DCDC2C: variants seen among roughly 807,000 people sequenced by gnomAD.
DCDC2C encodes doublecortin domain-containing protein 2C.
Under a neutral mutation model 45.0 loss-of-function variants are expected in DCDC2C, and 44 were observed. That is an observed-to-expected ratio of 0.98 (90% CI 0.77 to 1.26). The LOEUF is 1.26. Among genes scored for constraint, DCDC2C ranks in the 50% most tolerant of loss-of-function variants. The pLI, the probability that DCDC2C is intolerant of heterozygous loss-of-function variation, is 0.00. For synonymous variants in DCDC2C, 187 were observed against 178.8 expected, an observed-to-expected ratio of 1.05 and a Z score of -0.37; for missense variants, 447 against 468.9, an observed-to-expected ratio of 0.95 and a Z score of 0.43.
intron 9 of DCDC2C, among the ~76,000 whole-genome samples, chr2:3,779,265 C>T (rs150818947): frequency 1.3e-5 from 2 of 152,158 alleles, no homozygotes; most frequent in Non-Finnish European, 2.9e-5. Flanking sequence ...TGCTGACTGG[C>T]GTAGTTTGTG....
At chr2:3,730,831 G>T (rs965857143) in intron 3 of DCDC2C, among the ~76,000 whole-genome samples, 3 of 152,302 alleles carry the variant, frequency 2.0e-5, no homozygotes, top group African/African-American at 7.2e-5. Flanking sequence ...TACTCATATA[G>T]CCTCCAGTGG....
intron 4 of DCDC2C, among the ~76,000 whole-genome samples, chr2:3,746,749 C>T (rs1669374640): frequency 6.6e-6 from 1 of 152,188 alleles, no homozygotes; most frequent in South Asian, 2.1e-4. Context: ...AGATACACTG[C>T]AATCAGAGGC....
intron 10 of DCDC2C, among the ~76,000 whole-genome samples, chr2:3,822,596 T>C (rs1238763691): frequency 1.3e-5 from 1 of 79,810 alleles, no homozygotes; most frequent in East Asian, 2.7e-4. Flanking sequence ...GAATTTTCTC[T>C]AGTTTTAAAA....
intron 4 of DCDC2C, among the ~76,000 whole-genome samples, chr2:3,747,209 C>T (rs1468353984): frequency 6.6e-6 from 1 of 152,242 alleles, no homozygotes; most frequent in Non-Finnish European, 1.5e-5. Context: ...GCCCCGGCCC[C>T]TCTGAGGCAG....
chr2:3,707,345 T>C (rs1047904408), intron 1 of DCDC2C, among the ~76,000 whole-genome samples: 2 of 152,216 alleles, frequency 1.3e-5, no homozygotes, highest in Non-Finnish European at 2.9e-5. Context: ...TTTGGGAGAT[T>C]AATGTTCATA....
intron 8 of DCDC2C, among the ~76,000 whole-genome samples, chr2:3,776,052 T>C (rs1187042215): frequency 6.6e-6 from 1 of 152,194 alleles, no homozygotes; most frequent in African/African-American, 2.4e-5. Flanking sequence ...CCCTTCTTCA[T>C]CATAGAAGGA....
At chr2:3,776,136 G>A (rs1203262076) in intron 8 of DCDC2C, among the ~76,000 whole-genome samples, 1 of 152,198 alleles carries the variant, frequency 6.6e-6, no homozygotes, top group Non-Finnish European at 1.5e-5. Flanking sequence ...AACCTCTCAG[G>A]ACTGTGTGTC....
At chr2:3,772,996 G>A (rs1339849450) in intron 8 of DCDC2C, among the ~76,000 whole-genome samples, 3 of 152,186 alleles carry the variant, frequency 2.0e-5, no homozygotes, top group Admixed American at 1.3e-4. Context: ...TTAGGGAAGC[G>A]GTAACCTGAG....
Position 3,727,086 on chromosome 2 carries a change from A to T in DCDC2C, c.416+7A>T. ...GTATATCTCGACATATAAAGTGAGT[A>T]TAATATTATGGGTGAAAAAATCAAA... is the stretch of plus-strand genomic sequence containing the variant. On this transcript the variant is annotated splice_region_variant and intron_variant, in intron 3 of 10. Transcript: ENST00000399143. The T allele has an allele frequency of 6.5e-7, 1 of 1,545,792 alleles. No individual in the cohort carries two copies. Among genetic ancestry groups the T allele is most frequent in the Non-Finnish European group, 8.7e-7 (1 of 1,143,000 alleles).
chr2:3,755,458 T>C (rs1228930917), intron 6 of DCDC2C, among the ~76,000 whole-genome samples: 6 of 45,358 alleles, frequency 1.3e-4, no homozygotes, highest in African/African-American at 6.8e-5. Context: ...TGAATGCATG[T>C]GTGTGTATGG....
At chr2:3,731,243 C>CCACTTAAGA (rs1668858950) in intron 3 of DCDC2C, among the ~76,000 whole-genome samples, 1 of 152,282 alleles carries the variant, frequency 6.6e-6, no homozygotes, top group African/African-American at 2.4e-5. Context: ...CTTCCAGAAC[C>CCACTTAAGA]CACTTAAGAC....
At chr2:3,733,288 G>C (rs1373940650) in intron 3 of DCDC2C, among the ~76,000 whole-genome samples, 1 of 152,148 alleles carries the variant, frequency 6.6e-6, no homozygotes, top group Non-Finnish European at 1.5e-5. Flanking sequence ...TGAAGTGAGG[G>C]ACAGCTGCTT....
chr2:3,743,299 CAAT>C (rs1346643622), intron 4 of DCDC2C, among the ~76,000 whole-genome samples: 25 of 152,132 alleles, frequency 1.6e-4, no homozygotes, highest in African/African-American at 6.0e-4. Flanking sequence ...GACAGCAATA[CAAT>C]AATAGGAGGT....
Position 3,704,037 on chromosome 2 carries a change from G to A in DCDC2C, c.286G>A (p.Asp96Asn), listed in dbSNP as rs1208080084. ...GGGCCGCGAGCGCTTCAAGGAGCTCGAGTAAGTGCGCCCGCGCCCCCCACG... is the reference window on the plus strand; with the variant it reads ...GGGCCGCGAGCGCTTCAAGGAGCTCAAGTAAGTGCGCCCGCGCCCCCCACG... ...AAGRERFKEL[D>N]YIHIVPRKPA... The change falls in exon 1 of 11, where the codon GAT (aspartate) becomes AAT (asparagine). Residue 96 changes from aspartate (D) to asparagine (N), a missense_variant and splice_region_variant. Transcript: ENST00000399143. The A allele has an allele frequency of 1.6e-6, 2 of 1,261,970 alleles. No homozygotes were observed. Among genetic ancestry groups the A allele is most frequent in the African/African-American group, 1.6e-5 (1 of 64,396 alleles). The allele number at this position is 1,261,970 out of a possible 1,614,324, so 78.2% of individuals were successfully genotyped here. A position where few individuals can be genotyped will look rare whatever the true frequency, so the allele number is the denominator to read the frequency against.
chr2:3,718,381 T>A (rs185714158), intron 2 of DCDC2C, among the ~76,000 whole-genome samples: 2 of 152,104 alleles, frequency 1.3e-5, no homozygotes, highest in South Asian at 2.1e-4. Flanking sequence ...GCTCTTAGAG[T>A]CAGCAATTTT....
At chr2:3,756,632 A>G (rs999433767) in intron 6 of DCDC2C, among the ~76,000 whole-genome samples, 5 of 152,228 alleles carry the variant, frequency 3.3e-5, no homozygotes, top group African/African-American at 1.2e-4. Context: ...AAATAATGAC[A>G]CTGCTGACCC....
At position 3,784,377 on chromosome 2, in the gene DCDC2C, C is replaced by T. The variant is rs115546952; in HGVS notation, c.1024-682C>T. On this transcript the variant is annotated intron_variant, in intron 9 of 10. Transcript: ENST00000399143. ...TTATCATAGCTAGGAATATCTTCTG[C>T]ACTTTTTTAAACCATTATTATGATA... 7.7e-3 allele frequency among the ~76,000 whole-genome samples: 1,170 copies of T among 152,068 alleles called. 14 individuals carry two copies. The highest frequency in any genetic ancestry group is 0.027 in the African/African-American group (1,124 of 41,484).
intron 5 of DCDC2C, 56 bp from the exon 6 acceptor site, chr2:3,754,536 A>G: frequency 4.6e-6 from 7 of 1,526,664 alleles, no homozygotes; most frequent in Non-Finnish European, 6.2e-6. Context: ...TGCATTTTAT[A>G]GAGATAACTT....
At chr2:3,802,194 C>T (rs1671130933) in intron 10 of DCDC2C, among the ~76,000 whole-genome samples, 1 of 152,232 alleles carries the variant, frequency 6.6e-6, no homozygotes. Context: ...CATGTCATCC[C>T]TTTCTTCTAT....
Sources: allele counts gnomAD v4.1 joint callset (sites outside exome capture counted in the v4.1 genomes callset), GRCh38; gene constraint gnomAD v4.1.1; transcripts MANE v1.5; gene names NCBI Gene and HGNC (gene_info 2026-07-23, HGNC 2026-07-21).